Variants in QSER1 observed in about 807,000 individuals in gnomAD.
QSER1 encodes glutamine and serine rich 1.
QSER1 carries 49 observed loss-of-function variants against 158.5 expected under a neutral mutation model. That is an observed-to-expected ratio of 0.31 (90% CI 0.25 to 0.39). The LOEUF (loss-of-function observed/expected upper bound fraction) is 0.39. QSER1 is among the 10% of genes least tolerant of loss of function. QSER1 has a pLI of 1.00. For missense variants in QSER1, 1,754 were observed against 2,010.3 expected (o/e 0.87, Z 2.44); for synonymous variants, 650 against 715.5 (o/e 0.91, Z 1.46).
chr11:32,949,568 A>G (rs971476755), intron 4 of QSER1, among the ~76,000 whole-genome samples: 2 of 152,194 alleles, frequency 1.3e-5, no homozygotes, highest in South Asian at 2.1e-4. Context: ...TGGATCAACT[A>G]TGCAATTGTA....
chr11:32,895,861 G>T (rs1042659057), intron 1 of QSER1, among the ~76,000 whole-genome samples: 1 of 152,072 alleles, frequency 6.6e-6, no homozygotes, highest in African/African-American at 2.4e-5. Context: ...ATACTTTTTT[G>T]AATACAACAG....
At chr11:32,914,919 G>T (rs1027522773) in intron 1 of QSER1, among the ~76,000 whole-genome samples, 1 of 152,088 alleles carries the variant, frequency 6.6e-6, no homozygotes, top group Non-Finnish European at 1.5e-5. Context: ...TTCAATTTTT[G>T]TTGTTGTTGT....
intron 1 of QSER1, among the ~76,000 whole-genome samples, chr11:32,899,792 C>G (rs1469390669): frequency 1.3e-5 from 2 of 151,950 alleles, no homozygotes; most frequent in African/African-American, 4.8e-5. Flanking sequence ...GTCCTTTTTT[C>G]TTTTCTCTCC....
At chr11:32,943,638 G>C (rs1852277777) in intron 4 of QSER1, among the ~76,000 whole-genome samples, 1 of 150,908 alleles carries the variant, frequency 6.6e-6, no homozygotes, top group African/African-American at 2.4e-5. Context: ...CGGTTTGCCA[G>C]TATTTTATTG....
chr11:32,956,978 T>C (rs897246824), intron 7 of QSER1, among the ~76,000 whole-genome samples: 4 of 152,082 alleles, frequency 2.6e-5, no homozygotes, highest in Non-Finnish European at 4.4e-5. Context: ...TTGCTCAGGC[T>C]GGTCTTGAAC....
intron 12 of QSER1, among the ~76,000 whole-genome samples, chr11:32,976,012 A>G (rs980045700): frequency 2.6e-5 from 4 of 152,242 alleles, no homozygotes; most frequent in Admixed American, 6.5e-5. Context: ...TAACCTTTAT[A>G]TAGCAAAAGA....
chr11:32,963,039 A>T (rs12795012), intron 8 of QSER1, among the ~76,000 whole-genome samples: 1 of 152,224 alleles, frequency 6.6e-6, no homozygotes, highest in Non-Finnish European at 1.5e-5. Context: ...TTTATGCAGA[A>T]GTGCTTTATG....
chr11:32,920,326 A>C (rs1851884776), intron 1 of QSER1, among the ~76,000 whole-genome samples: 1 of 152,250 alleles, frequency 6.6e-6, no homozygotes, highest in African/African-American at 2.4e-5. Flanking sequence ...TTTGAGTAGC[A>C]AAAGAATGAA....
chr11:32,925,491 C>CT lies in QSER1; in HGVS notation c.210-1660dup, dbSNP rs199729836. Among the ~76,000 whole-genome samples the CT allele has an allele frequency of 1.8e-3, 241 of 136,480 alleles. No individual in the cohort carries two copies. The Middle Eastern group carries it at 0.018, about 10-fold the overall frequency. The allele number at this position is 136,480 out of a possible 152,430, so 89.5% of individuals were successfully genotyped here. The stretch of plus-strand genomic sequence containing the variant: ...AAACTACTGGAATGTTGATACATCG[C>CT]TTTTTTATTTATTTATTTATTTATT... On this transcript the variant is annotated intron_variant, in intron 1 of 12. Transcript: ENST00000650167.
chr11:32,945,300 G>C (rs1366661541), intron 4 of QSER1, among the ~76,000 whole-genome samples: 1 of 151,352 alleles, frequency 6.6e-6, no homozygotes, highest in Non-Finnish European at 1.5e-5. Flanking sequence ...TGGTTATTTT[G>C]CTCGTTAGTT....
intron 1 of QSER1, among the ~76,000 whole-genome samples, chr11:32,921,636 A>G (rs1205271839): frequency 1.3e-5 from 2 of 152,210 alleles, no homozygotes; most frequent in Non-Finnish European, 2.9e-5. Flanking sequence ...GAAATTAAAG[A>G]CCAGAAACAG....
chr11:32,975,139 ATG>A (rs1852949957), intron 11 of QSER1, 107 bp from the exon 12 acceptor site: 1 of 641,144 alleles, frequency 1.6e-6, no homozygotes. Flanking sequence ...CTACCCATAT[ATG>A]TCATTTTCAA....
Position 32,907,082 on chromosome 11 carries a change from C to G in QSER1, c.209+13748C>G, listed in dbSNP as rs578003534. 4.8e-4 allele frequency among the ~76,000 whole-genome samples: 73 copies of G among 152,230 alleles called. 4 individuals carry two copies. In the South Asian group the frequency reaches 0.015, roughly 30 times the overall value. On this transcript the variant is annotated intron_variant, in intron 1 of 12. Transcript: ENST00000650167. ...TATAAGTAGTATAGTACCGTTACAA[C>G]AGGATAAAATACTACTGGTTTTATT...
In QSER1 at chr11:32,933,875, G is replaced by A. The variant is rs116799237; in HGVS notation, c.2617G>A (p.Gly873Ser). The change falls in exon 4 of 13, where the codon GGT becomes AGT. Residue 873 changes from glycine to serine, a missense_variant. Gly to Ser is a moderately conservative substitution (Grantham distance 56). Coordinates refer to ENST00000650167, the MANE Select transcript of QSER1 (RefSeq NM_001076786.3). ...QILQQSILQAGLGQVKASLQA... is the reference protein window; with the variant it reads ...QILQQSILQASLGQVKASLQA... ...TCTTCAGCAGTCAATACTGCAGGCA[G>A]GTTTAGGTCAAGTAAAGGCATCTTT... 2.2e-4 allele frequency: 353 copies of A among 1,613,604 alleles called. No homozygotes were observed. In the African/African-American group the frequency reaches 4.2e-3, roughly 19 times the overall value.
chr11:32,907,152 C>T (rs1564926385), intron 1 of QSER1, among the ~76,000 whole-genome samples: 2 of 152,080 alleles, frequency 1.3e-5, no homozygotes, highest in Non-Finnish European at 2.9e-5. Flanking sequence ...CTTAGGAAAA[C>T]AGAAGCATCA....
intron 3 of QSER1, among the ~76,000 whole-genome samples, chr11:32,931,395 A>G (rs1365078251): frequency 6.6e-6 from 1 of 152,028 alleles, no homozygotes; most frequent in Non-Finnish European, 1.5e-5. Flanking sequence ...CCTGAGCAAC[A>G]TTGCAAGACC....
At chr11:32,895,822 G>C (rs1311349836) in intron 1 of QSER1, among the ~76,000 whole-genome samples, 1 of 152,168 alleles carries the variant, frequency 6.6e-6, no homozygotes, top group Non-Finnish European at 1.5e-5. Context: ...GAAGGTACAT[G>C]ATAAACAGCT....
At chr11:32,971,742 A>C (rs1376855251) in intron 10 of QSER1, among the ~76,000 whole-genome samples, 3 of 152,112 alleles carry the variant, frequency 2.0e-5, no homozygotes, top group Non-Finnish European at 4.4e-5. Context: ...TATACTAAGA[A>C]AAATTTAGGT....
In QSER1 at chr11:32,933,033, G is replaced by A. The variant is rs989907468; in HGVS notation, c.1775G>A (p.Gly592Glu). ...VVSLSESYAS[G>E]ESLTLTAPSL... ...AGTCTTTCAGAAAGCTATGCTTCAGGGGAGTCCCTAACATTAACAGCCCCT... is the reference window on the plus strand; with the variant it reads ...AGTCTTTCAGAAAGCTATGCTTCAGAGGAGTCCCTAACATTAACAGCCCCT... Residue 592 changes from glycine (G) to glutamate (E), a missense_variant, in exon 4 of 13, where the codon GGG becomes GAG. Physicochemically the swap from Gly to Glu is moderately conservative, Grantham distance 98 (BLOSUM62 -2). Transcript: ENST00000650167. 1 of 1,612,584 alleles carries A rather than the reference G, an allele frequency of 6.2e-7. No homozygotes were observed.
Sources: allele counts gnomAD v4.1 joint callset (sites outside exome capture counted in the v4.1 genomes callset), GRCh38; gene constraint gnomAD v4.1.1; transcripts MANE v1.5; gene names NCBI Gene and HGNC (gene_info 2026-07-23, HGNC 2026-07-21).